Variants in LSS observed in about 807,000 individuals in gnomAD.
LSS encodes 2,3-epoxysqualene-lanosterol cyclase.
A neutral mutation model predicts 110.3 loss-of-function variants in LSS; 90 were observed. The ratio of observed to expected loss-of-function variants is 0.82; its 90% CI spans 0.69 to 0.97. LSS has a LOEUF of 0.97. Among genes scored for constraint, LSS ranks in the 50% least tolerant of loss-of-function variants. The pLI is 0.00. For synonymous variants in LSS, 433 were observed against 400.0 expected (o/e 1.08, Z -0.98); for missense variants, 927 against 990.0 (o/e 0.94, Z 0.85).
chr21:46,195,476 C>T (rs961638270), intron 19 of LSS, among the ~76,000 whole-genome samples, 200 bp downstream of exon 19: 7 of 152,194 alleles, frequency 4.6e-5, no homozygotes, highest in Admixed American at 4.6e-4. Flanking sequence ...TCGGGAGGAT[C>T]GCTTGAGCCC....
chr21:46,205,734 G>A (rs1376516521), intron 17 of LSS, 102 bp downstream of exon 17: 9 of 837,722 alleles, frequency 1.1e-5, no homozygotes, highest in African/African-American at 3.4e-5. Flanking sequence ...CATGAGTTTC[G>A]CTTCTGAGAT....
intron 17 of LSS, among the ~76,000 whole-genome samples, chr21:46,200,834 T>C (rs2079968912): frequency 6.6e-6 from 1 of 152,268 alleles, no homozygotes; most frequent in South Asian, 2.1e-4. Flanking sequence ...TTGGAACAAT[T>C]AGGCCTGCAG....
intron 6 of LSS, among the ~76,000 whole-genome samples, chr21:46,218,904 T>G (rs753341211): frequency 1.3e-4 from 20 of 152,002 alleles, no homozygotes; most frequent in Non-Finnish European, 2.5e-4. Context: ...TTTTTGTATT[T>G]TTAGTAGAGA....
At chr21:46,206,119 G>A (rs1250699100) in intron 16 of LSS, among the ~76,000 whole-genome samples, 178 bp from the exon 17 acceptor site, 4 of 152,216 alleles carry the variant, frequency 2.6e-5, no homozygotes, top group Non-Finnish European at 4.4e-5. Flanking sequence ...TGTGCTACCT[G>A]AGAGCGAAGA....
At chr21:46,221,419 C>T (rs2080278393) in intron 5 of LSS, among the ~76,000 whole-genome samples, 1 of 152,152 alleles carries the variant, frequency 6.6e-6, no homozygotes, top group Non-Finnish European at 1.5e-5. Context: ...TGCGGTAGTA[C>T]AACCAGCTCA....
At chr21:46,221,150 C>G (rs983519599) in intron 5 of LSS, among the ~76,000 whole-genome samples, 1 of 101,678 alleles carries the variant, frequency 9.8e-6, no homozygotes, top group Non-Finnish European at 2.0e-5. Context: ...TGGACAGCCC[C>G]GGGCTTGGAG....
chr21:46,196,849 C>T (rs2079916383), intron 17 of LSS, among the ~76,000 whole-genome samples: 1 of 152,232 alleles, frequency 6.6e-6, no homozygotes. Context: ...CCTCTACCAA[C>T]TCTCCCTTCT....
At chr21:46,227,271 A>G (rs1003376143) in intron 3 of LSS, 3 of 418,892 alleles carry the variant, frequency 7.2e-6, no homozygotes, top group African/African-American at 6.0e-5. Context: ...TCCTGTACTG[A>G]GACTTCAAAG....
chr21:46,198,726 G>A (rs1005111743), intron 17 of LSS, among the ~76,000 whole-genome samples: 5 of 148,232 alleles, frequency 3.4e-5, no homozygotes, highest in Non-Finnish European at 7.4e-5. Flanking sequence ...ATAGACCCAT[G>A]CAAATGCAGT....
At position 46,188,599 on chromosome 21, in the gene LSS, A is replaced by G. The variant is rs2079762135; in HGVS notation, c.*2505T>C. The G allele has an allele frequency of 2.1e-6, 1 of 470,154 alleles. No homozygotes were observed. Among genetic ancestry groups the G allele is most frequent in the Non-Finnish European group, 4.4e-6 (1 of 226,982 alleles). 29.1% of individuals were successfully genotyped at this position (470,154 alleles called of 1,614,324 possible). ...GGGACAGGTCACCCTCCCAGCACCG[A>G]GAAGCCGACGGGGGAGGAACAGACT... On this transcript the variant is annotated 3_prime_UTR_variant, in exon 22 of 22. Transcript: ENST00000397728.
Position 46,209,417 on chromosome 21 carries a change from G to T in LSS, c.1266+137C>A. On this transcript the variant is annotated intron_variant, in intron 13 of 21. Coordinates refer to ENST00000397728, the MANE Select transcript of LSS (RefSeq NM_002340.6). The surrounding 1 kb of genome is among the most constrained non-coding windows in gnomAD (Gnocchi z 4.4). ...ATGGAGCAGGGGCTAGGGAGGGGAT[G>T]GGAGGGTGGGGGTGACCTGAAACAC... The T allele has an allele frequency of 1.3e-6, 1 of 751,778 alleles. No individual in the cohort carries two copies. Among genetic ancestry groups the T allele is most frequent in the South Asian group, 1.9e-5 (1 of 53,264 alleles). 46.6% of individuals were successfully genotyped at this position (751,778 alleles called of 1,614,324 possible). A position where few individuals can be genotyped will look rare whatever the true frequency, so the allele number is the denominator to read the frequency against.
chr21:46,194,714 C>G, intron 19 of LSS, 53 bp from the exon 20 acceptor site: 1 of 1,554,704 alleles, frequency 6.4e-7, no homozygotes, highest in South Asian at 1.2e-5. Flanking sequence ...GTCCCAGACC[C>G]CTGGCTTCTC....
rs770401995 is a variant in LSS, at chr21:46,221,931, T to C, written c.473A>G (p.Tyr158Cys). Residue 158 changes from tyrosine to cysteine, a missense_variant, in exon 5 of 22, where the codon TAT (tyrosine) becomes TGT (cysteine). Tyr to Cys is a radical substitution (Grantham distance 194). Coordinates refer to ENST00000397728, the MANE Select transcript of LSS (RefSeq NM_002340.6). ...AACACCCAGAATTCTGAGAGACACA[T>C]AGTTGAGCGCAGTCCCAAACACGGT... ...KSTVFGTALN[Y>C]VSLRILGVGP... 3 of 1,613,978 alleles carry C rather than the reference T, an allele frequency of 1.9e-6. No individual in the cohort carries two copies. Among genetic ancestry groups the C allele is most frequent in the African/African-American group, 2.7e-5 (2 of 74,902 alleles).
At chr21:46,223,560 C>G (rs925727939) in intron 3 of LSS, among the ~76,000 whole-genome samples, 1 of 152,164 alleles carries the variant, frequency 6.6e-6, no homozygotes, top group South Asian at 2.1e-4. Flanking sequence ...ACGAGCTGTT[C>G]CAGTATAATA....
chr21:46,217,008 A>G (rs1442824402), intron 6 of LSS, among the ~76,000 whole-genome samples: 2 of 152,124 alleles, frequency 1.3e-5, no homozygotes, highest in African/African-American at 4.8e-5. Context: ...GCACTTTGGG[A>G]GGCCGAGGCT....
At chr21:46,221,660 C>T (rs543341491) in intron 5 of LSS, 194 bp downstream of exon 5, 1 of 711,862 alleles carries the variant, frequency 1.4e-6, no homozygotes, top group South Asian at 1.9e-5. Context: ...CTGTGCCTGG[C>T]TCTTAATTTG....
chr21:46,205,347 C>A (rs149078940), intron 17 of LSS, among the ~76,000 whole-genome samples: 1 of 152,314 alleles, frequency 6.6e-6, no homozygotes, highest in East Asian at 1.9e-4. Flanking sequence ...CAGGAGTCCA[C>A]CTAGACAAGA....
At chr21:46,219,694 G>A in intron 5 of LSS, 122 bp from the exon 6 acceptor site, 3 of 553,440 alleles carry the variant, frequency 5.4e-6, no homozygotes, top group Non-Finnish European at 9.3e-6. Flanking sequence ...GGCAAGGGCA[G>A]CCTCATGTGG....
At chr21:46,212,592 C>T (rs2123735509) in intron 11 of LSS, among the ~76,000 whole-genome samples, 1 of 152,316 alleles carries the variant, frequency 6.6e-6, no homozygotes, top group Middle Eastern at 3.4e-3. Flanking sequence ...ACGGGGAGCT[C>T]CCAGGCCCGG....
Sources: gnomAD v4.1 joint callset for allele counts (sites outside exome capture counted in the v4.1 genomes callset) on GRCh38, gnomAD v4.1.1 for gene constraint, Gnocchi (gnomAD v3.1) non-coding constraint, MANE v1.5 for transcripts, NCBI Gene and HGNC (gene_info 2026-07-23, HGNC 2026-07-21) for gene names.